Variants in ROCK1 observed in about 807,000 individuals in gnomAD.
ROCK1 encodes rho-associated protein kinase 1.
Under a neutral mutation model 196.8 loss-of-function variants are expected in ROCK1, and 36 were observed. The ratio of observed to expected loss-of-function variants is 0.18; its 90% CI spans 0.14 to 0.24. The LOEUF is 0.24. Ranked by LOEUF, ROCK1 falls within the 10% of genes least tolerant of loss-of-function variation. ROCK1 has a pLI of 1.00. For missense variants in ROCK1, 920 were observed against 1,562.0 expected (o/e 0.59, Z 6.93); for synonymous variants, 443 against 515.9 (o/e 0.86, Z 1.91).
In ROCK1 at chr18:20,968,804, T is replaced by G; in HGVS notation, c.2971A>C (p.Asn991His). 1 of 1,609,390 alleles carries G rather than the reference T, an allele frequency of 6.2e-7. No individual in the cohort carries two copies. Among genetic ancestry groups the G allele is most frequent in the Non-Finnish European group, 8.5e-7 (1 of 1,175,770 alleles). ...TTAAGGGTTCGTTCAGTGTTGATAT[T>G]CTTTTCAAAGGCAGCCTTAAGATTA... is the stretch of plus-strand genomic sequence containing the variant. ...ISNLKAAFEKNINTERTLKTQ... is the reference protein window; with the variant it reads ...ISNLKAAFEKHINTERTLKTQ... The change falls in exon 25 of 33, where the codon AAT becomes CAT. Residue 991 changes from asparagine to histidine, a missense_variant. Coordinates refer to ENST00000399799, the MANE Select transcript of ROCK1 (RefSeq NM_005406.3).
intron 16 of ROCK1, among the ~76,000 whole-genome samples, chr18:20,993,587 C>G (rs1230529454): frequency 6.6e-6 from 1 of 152,170 alleles, no homozygotes; most frequent in Non-Finnish European, 1.5e-5. Flanking sequence ...CCAGACACTG[C>G]AAAGTGTTTA....
At chr18:21,088,101 T>C (rs1349724416) in intron 1 of ROCK1, among the ~76,000 whole-genome samples, 1 of 152,220 alleles carries the variant, frequency 6.6e-6, no homozygotes, top group Admixed American at 6.5e-5. Flanking sequence ...AATAAAAATA[T>C]ACATTGAACT....
At chr18:21,081,236 G>A (rs1257950027) in intron 1 of ROCK1, among the ~76,000 whole-genome samples, 2 of 151,894 alleles carry the variant, frequency 1.3e-5, no homozygotes, top group African/African-American at 4.8e-5. Context: ...TTACAAACGT[G>A]GAAATTAGAC....
intron 25 of ROCK1, 129 bp downstream of exon 25, chr18:20,968,643 G>C (rs1212820353): frequency 1.6e-6 from 1 of 630,788 alleles, no homozygotes; most frequent in Non-Finnish European, 2.8e-6. Flanking sequence ...TTTATAGTTA[G>C]CGGGGAGAGA....
chr18:20,969,064 T>C lies in ROCK1; in HGVS notation c.2914+51A>G, dbSNP rs762197796. ...AAACCTAACACAACATAGGTAAAGA[T>C]AAATCACTGAATTTGATTTAACATG... On this transcript the variant is annotated intron_variant, in intron 24 of 32. Transcript: ENST00000399799. The C allele has an allele frequency of 6.5e-6, 8 of 1,223,810 alleles. No individual in the cohort carries two copies. The South Asian group carries it at 8.7e-5, about 13-fold the overall frequency. 75.8% of individuals were successfully genotyped at this position (1,223,810 alleles called of 1,614,324 possible).
chr18:21,104,019 C>T (rs2036681647), intron 1 of ROCK1, among the ~76,000 whole-genome samples: 1 of 152,128 alleles, frequency 6.6e-6, no homozygotes, highest in Non-Finnish European at 1.5e-5. Context: ...ATACTGTGGA[C>T]TTAAACTAAA....
intron 16 of ROCK1, among the ~76,000 whole-genome samples, chr18:20,993,330 G>A (rs1232732404): frequency 6.6e-6 from 1 of 152,178 alleles, no homozygotes; most frequent in African/African-American, 2.4e-5. Context: ...AGCCTCCCGA[G>A]TAGCTGGGAC....
At position 21,019,796 on chromosome 18, in the gene ROCK1, T is replaced by C. The variant is rs2035898232; in HGVS notation, c.1361+355A>G. 4.7e-5 allele frequency among the ~76,000 whole-genome samples: 7 copies of C among 148,592 alleles called. No homozygotes were observed. In the South Asian group the frequency reaches 1.5e-3, roughly 32 times the overall value. On this transcript the variant is annotated intron_variant, in intron 12 of 32. Transcript: ENST00000399799. ...CTGGACGACAGAGCGAGACTCCATC[T>C]TAAAAAAAAAAAAAAAGAATACTGC... is the stretch of plus-strand genomic sequence containing the variant.
intron 1 of ROCK1, among the ~76,000 whole-genome samples, chr18:21,103,150 C>A (rs1205898138): frequency 1.3e-5 from 2 of 152,122 alleles, no homozygotes; most frequent in African/African-American, 4.8e-5. Flanking sequence ...AAAATCATAT[C>A]TTTACATTTT....
intron 22 of ROCK1, among the ~76,000 whole-genome samples, chr18:20,975,778 T>C (rs2035474957): frequency 6.6e-6 from 1 of 151,918 alleles, no homozygotes; most frequent in Non-Finnish European, 1.5e-5. Context: ...GCCCGGCTAA[T>C]TTTTTTGTAT....
chr18:21,103,317 T>C (rs1328701360), intron 1 of ROCK1, among the ~76,000 whole-genome samples: 2 of 152,178 alleles, frequency 1.3e-5, no homozygotes, highest in Admixed American at 6.5e-5. Context: ...CTAAAGATGG[T>C]TGACAGTCTT....
chr18:20,965,093 T>TA (rs1158078671), intron 27 of ROCK1, among the ~76,000 whole-genome samples: 19 of 152,258 alleles, frequency 1.2e-4, no homozygotes, highest in African/African-American at 4.6e-4. Context: ...GAACTGACAC[T>TA]AAATAGAGCA....
chr18:21,006,172 G>A (rs1182123207), intron 16 of ROCK1, among the ~76,000 whole-genome samples, 179 bp downstream of exon 16: 1 of 152,158 alleles, frequency 6.6e-6, no homozygotes, highest in Non-Finnish European at 1.5e-5. Flanking sequence ...AAGACATTGT[G>A]CTAAGTGAAA....
intron 2 of ROCK1, among the ~76,000 whole-genome samples, chr18:21,058,877 C>A (rs958199274): frequency 3.2e-4 from 49 of 152,282 alleles, no homozygotes; most frequent in Non-Finnish European, 6.6e-4. Context: ...CTGCAACCAG[C>A]ACTGTTTTAA....
At chr18:21,047,134 G>A (rs1451074974) in intron 4 of ROCK1, among the ~76,000 whole-genome samples, 3 of 152,146 alleles carry the variant, frequency 2.0e-5, no homozygotes, top group Admixed American at 2.0e-4. Context: ...CCTATTTATA[G>A]ACAATATATC....
At position 20,970,509 on chromosome 18, in the gene ROCK1, T is replaced by C; in HGVS notation, c.2659A>G (p.Thr887Ala). 6.3e-7 allele frequency: 1 copy of C among 1,592,260 alleles called. No individual in the cohort carries two copies. Among genetic ancestry groups the C allele is most frequent in the Non-Finnish European group, 8.6e-7 (1 of 1,166,166 alleles). The change falls in exon 23 of 33, where the codon ACT becomes GCT. Residue 887 changes from threonine to alanine, a missense_variant. Transcript: ENST00000399799. ...GCTAGATCCAACTGAGTAGCAAGAG[T>C]TTCTCTGCAACAATTTTTTAAGAGA... ...KIQELQNEKE[T>A]LATQLDLAET...
intron 29 of ROCK1, among the ~76,000 whole-genome samples, chr18:20,958,823 GTA>G (rs1297581625): frequency 2.9e-5 from 4 of 137,884 alleles, no homozygotes; most frequent in Non-Finnish European, 6.1e-5. Flanking sequence ...TTGTTATACT[GTA>G]TTTTTTAAAG....
chr18:21,060,566 A>C (rs2143535038), intron 2 of ROCK1, among the ~76,000 whole-genome samples: 1 of 152,322 alleles, frequency 6.6e-6, no homozygotes, highest in East Asian at 1.9e-4. Context: ...CATGGCCGGC[A>C]CGGTGGCTCA....
At chr18:21,089,728 T>C (rs1056453782) in intron 1 of ROCK1, among the ~76,000 whole-genome samples, 2 of 152,182 alleles carry the variant, frequency 1.3e-5, no homozygotes, top group East Asian at 1.9e-4. Flanking sequence ...ACAAAGCCTA[T>C]TTTATAACAA....
Sources: gnomAD v4.1 joint callset for allele counts (sites outside exome capture counted in the v4.1 genomes callset) on GRCh38, gnomAD v4.1.1 for gene constraint, MANE v1.5 for transcripts, NCBI Gene and HGNC (gene_info 2026-07-23, HGNC 2026-07-21) for gene names.